LRRK1: variants seen among roughly 807,000 people sequenced by gnomAD.
LRRK1 encodes the protein leucine-rich repeat serine/threonine-protein kinase 1.
A neutral mutation model predicts 209.1 loss-of-function variants in LRRK1; 113 were observed. The ratio of observed to expected loss-of-function variants is 0.54; its 90% CI spans 0.46 to 0.63. The LOEUF (loss-of-function observed/expected upper bound fraction) is 0.63. LRRK1 is among the 30% of genes least tolerant of loss of function. LRRK1 has a pLI of 0.00. For missense variants in LRRK1, 2,284 were observed against 2,632.2 expected (o/e 0.87, Z 2.89); for synonymous variants, 1,144 against 1,099.7 (o/e 1.04, Z -0.80).
chr15:100,965,791 A>T (rs2030413320), intron 2 of LRRK1, among the ~76,000 whole-genome samples: 1 of 152,224 alleles, frequency 6.6e-6, no homozygotes. Context: ...TTACATTAAA[A>T]GCAAGTAAGA....
At chr15:101,021,302 A>C (rs1461679074) in intron 13 of LRRK1, 120 bp downstream of exon 13, 3 of 1,122,144 alleles carry the variant, frequency 2.7e-6, no homozygotes, top group African/African-American at 3.1e-5. Flanking sequence ...CTTTCCAAGA[A>C]GCAGTAGTGA....
At chr15:100,925,304 C>G (rs2042090468) in intron 2 of LRRK1, among the ~76,000 whole-genome samples, 1 of 152,218 alleles carries the variant, frequency 6.6e-6, no homozygotes, top group African/African-American at 2.4e-5. Flanking sequence ...AACATCATTT[C>G]ATTTATTTTA....
At chr15:100,987,782 G>A (rs2031950483) in intron 4 of LRRK1, among the ~76,000 whole-genome samples, 1 of 152,078 alleles carries the variant, frequency 6.6e-6, no homozygotes, top group African/African-American at 2.4e-5. Flanking sequence ...TAAGAAATGT[G>A]TCCAAAATTA....
In LRRK1 at chr15:100,939,449, T is replaced by C. The variant is rs74878214; in HGVS notation, c.97+14720T>C. On this transcript the variant is annotated intron_variant, in intron 2 of 33. Coordinates refer to ENST00000388948, the MANE Select transcript of LRRK1 (RefSeq NM_024652.6). ...ATTTAGTAAGATGTTTTGGCAAAAA[T>C]GCCCAATAGATGGTGGGTTCTTCCT... Among the ~76,000 whole-genome samples, 977 of 152,330 alleles carry C rather than the reference T, an allele frequency of 6.4e-3. 9 individuals carry two copies. The highest frequency in any genetic ancestry group is 0.022 in the African/African-American group (924 of 41,572).
chr15:101,014,429 G>A lies in LRRK1; in HGVS notation c.1532+1G>A, dbSNP rs534084016. ...ATCTCTCCAGAAACCAACTTGGCAA[G>A]TAAGCAGGGGCCTCTCCTCCCTGGC... On this transcript the variant is annotated splice_donor_variant, in intron 11 of 33. Coordinates refer to ENST00000388948, the MANE Select transcript of LRRK1 (RefSeq NM_024652.6). LOFTEE classifies it high-confidence loss of function. The A allele has an allele frequency of 6.2e-7, 1 of 1,600,116 alleles. No individual in the cohort carries two copies. Among genetic ancestry groups the A allele is most frequent in the Admixed American group, 1.7e-5 (1 of 59,960 alleles).
At chr15:101,042,990 A>G (rs888664185) in intron 20 of LRRK1, among the ~76,000 whole-genome samples, 7 of 152,186 alleles carry the variant, frequency 4.6e-5, no homozygotes, top group Non-Finnish European at 1.0e-4. Flanking sequence ...GCTCTGCCCT[A>G]AACCAGCTTG....
chr15:100,962,823 A>ATATATATATATATTTTTTTTTT lies in LRRK1; in HGVS notation c.98-10980_98-10979insATATATATATATTTTTTTTTTT. Among the ~76,000 whole-genome samples, 10 of 11,546 alleles carry ATATATATATATATTTTTTTTTT rather than the reference A, an allele frequency of 8.7e-4. 2 individuals carry two copies. Among genetic ancestry groups the ATATATATATATATTTTTTTTTT allele is most frequent in the Non-Finnish European group, 8.3e-4 (4 of 4,846 alleles). The allele number at this position is 11,546 out of a possible 152,430, so 7.6% of individuals were successfully genotyped here. A position where few individuals can be genotyped will look rare whatever the true frequency, so the allele number is the denominator to read the frequency against. On this transcript the variant is annotated intron_variant, in intron 2 of 33. Transcript: ENST00000388948. The stretch of plus-strand genomic sequence containing the variant: ...TATATATATATATATATATATATAT[A>ATATATATATATATTTTTTTTTT]TTTTTTTTTTTTTTTTTGAGATGGA...
chr15:101,067,303 C>T (rs909683995), intron 33 of LRRK1: 3 of 456,132 alleles, frequency 6.6e-6, no homozygotes, highest in African/African-American at 4.0e-5. Context: ...ACATGGTCTA[C>T]ATGGTTGCAG....
Position 101,021,054 on chromosome 15 carries a change from A to G in LRRK1, c.1611A>G (p.Ala537=), listed in dbSNP as rs1464285760. The G allele has an allele frequency of 6.2e-7, 1 of 1,614,134 alleles. No homozygotes were observed. Among genetic ancestry groups the G allele is most frequent in the African/African-American group, 1.3e-5 (1 of 75,034 alleles). Residue 537 remains alanine, a splice_region_variant and synonymous_variant, in exon 13 of 34, where the codon GCA becomes GCG. Coordinates refer to ENST00000388948, the MANE Select transcript of LRRK1 (RefSeq NM_024652.6). ...GTCTGCTTTGCCATGTCTTTGCAGCAAGTGTGCTGGAATTTCCGGCCTTCC... is the reference window on the plus strand; with the variant it reads ...GTCTGCTTTGCCATGTCTTTGCAGCGAGTGTGCTGGAATTTCCGGCCTTCC... ...RGRQRSGTEA[A]SVLEFPAFLS...
chr15:100,979,290 T>A (rs1451077916), intron 3 of LRRK1, among the ~76,000 whole-genome samples: 1 of 152,186 alleles, frequency 6.6e-6, no homozygotes, highest in Non-Finnish European at 1.5e-5. Flanking sequence ...ATTCTTGATG[T>A]TGAAGACTGT....
Position 101,027,043 on chromosome 15 carries a change from C to T in LRRK1, c.2406-218C>T, listed in dbSNP as rs1249415783. ...CCTCACTTTCCTCCTCCGTGAAGTGCCATGTTTAGTCTGGGAAGACAGACT... is the reference window on the plus strand; with the variant it reads ...CCTCACTTTCCTCCTCCGTGAAGTGTCATGTTTAGTCTGGGAAGACAGACT... On this transcript the variant is annotated intron_variant, in intron 17 of 33. Transcript: ENST00000388948. The surrounding 1 kb of genome is among the most constrained non-coding windows in gnomAD (Gnocchi z 5.1). 6.6e-6 allele frequency among the ~76,000 whole-genome samples: 1 copy of T among 152,112 alleles called. No homozygotes were observed. The highest frequency in any genetic ancestry group is 1.5e-5 in the Non-Finnish European group (1 of 68,020).
chr15:100,995,250 T>G (rs551815241), intron 6 of LRRK1, among the ~76,000 whole-genome samples: 1 of 152,302 alleles, frequency 6.6e-6, no homozygotes, highest in East Asian at 1.9e-4. Flanking sequence ...TTGCTGCGTG[T>G]GTGGAAGCCA....
At chr15:101,066,558 C>T in intron 32 of LRRK1, 82 bp from the exon 33 acceptor site, 11 of 1,284,178 alleles carry the variant, frequency 8.6e-6, no homozygotes, top group Non-Finnish European at 1.2e-5. Context: ...CTCCCTCCCG[C>T]ACCTTTCTGC....
rs549843765 is a variant in LRRK1 at position 101,077,053 on chromosome 15, C to G, written c.*8205C>G. 6.6e-6 allele frequency: 1 copy of G among 151,634 alleles called. No individual in the cohort carries two copies. The highest frequency in any genetic ancestry group is 1.5e-5 in the Non-Finnish European group (1 of 67,938). The allele number at this position is 151,634 out of a possible 1,614,324, so 9.4% of individuals were successfully genotyped here. A position where few individuals can be genotyped will look rare whatever the true frequency, so the allele number is the denominator to read the frequency against. On this transcript the variant is annotated 3_prime_UTR_variant, in exon 34 of 34. Transcript: ENST00000388948. ...TCCTCAGCCTTCAGGAAAGGTAGAACGGACTAATGATCTTTTAAAAACACA... is the reference window on the plus strand; with the variant it reads ...TCCTCAGCCTTCAGGAAAGGTAGAAGGGACTAATGATCTTTTAAAAACACA...
At chr15:100,925,635 C>T (rs575286826) in intron 2 of LRRK1, among the ~76,000 whole-genome samples, 1 of 152,314 alleles carries the variant, frequency 6.6e-6, no homozygotes, top group Admixed American at 6.5e-5. Flanking sequence ...ACCTTTAAGA[C>T]CAATAGGATA....
At chr15:101,021,791 T>C (rs759679377) in intron 13 of LRRK1, 54 bp from the exon 14 acceptor site, 425 of 883,704 alleles carry the variant, frequency 4.8e-4, no homozygotes, top group Non-Finnish European at 6.3e-4. Flanking sequence ...TGTGTGTGTG[T>C]GTGTGTGTGT....
chr15:101,021,077 T>C lies in LRRK1; in HGVS notation c.1634T>C (p.Phe545Ser), dbSNP rs2033760973. The C allele has an allele frequency of 8.7e-6, 14 of 1,614,108 alleles. No homozygotes were observed. Among genetic ancestry groups the C allele is most frequent in the Non-Finnish European group, 1.1e-5 (13 of 1,180,040 alleles). Residue 545 changes from phenylalanine to serine, a missense_variant, in exon 13 of 34, where the codon TTC becomes TCC. Phe to Ser is a radical substitution (Grantham distance 155, BLOSUM62 -2). Around this residue, in one of 6 missense-constraint regions of LRRK1, gnomAD observed 494 missense variants for 522.1 expected, o/e 0.95. Transcript: ENST00000388948. Reference sequence around the variant, plus strand: ...GCAAGTGTGCTGGAATTTCCGGCCTTCCTAAGTGAGTCTTTGGAAGTCCTT... The same window carrying C: ...GCAAGTGTGCTGGAATTTCCGGCCTCCCTAAGTGAGTCTTTGGAAGTCCTT... ...EAASVLEFPAFLSESLEVLCL... is the reference protein window; with the variant it reads ...EAASVLEFPASLSESLEVLCL...
chr15:101,051,695 C>T lies in LRRK1; in HGVS notation c.3440-16C>T, dbSNP rs376821696. The T allele has an allele frequency of 6.2e-7, 1 of 1,611,944 alleles. No individual in the cohort carries two copies. Among genetic ancestry groups the T allele is most frequent in the Non-Finnish European group, 8.5e-7 (1 of 1,179,150 alleles). On this transcript the variant is annotated splice_polypyrimidine_tract_variant and intron_variant, in intron 23 of 33. Coordinates refer to ENST00000388948, the MANE Select transcript of LRRK1 (RefSeq NM_024652.6). ...CACCTTCTTGTGAAGCTGTCTCCTG[C>T]TCTGTCCTTATTTAGCCCTGACAGC... is the stretch of plus-strand genomic sequence containing the variant.
At chr15:100,926,672 C>CT (rs1441760864) in intron 2 of LRRK1, among the ~76,000 whole-genome samples, 1 of 128,664 alleles carries the variant, frequency 7.8e-6, no homozygotes, top group Non-Finnish European at 1.6e-5. Context: ...TTTTTCTTTT[C>CT]TTTTTTTCTT....
Sources: allele counts gnomAD v4.1 joint callset (sites outside exome capture counted in the v4.1 genomes callset), GRCh38; gene constraint gnomAD v4.1.1; regional missense constraint gnomAD v4.1.1; non-coding constraint Gnocchi (gnomAD v3.1); transcripts MANE v1.5; gene names NCBI Gene and HGNC (gene_info 2026-07-23, HGNC 2026-07-21).